The following SNX30 variants were observed in gnomAD, a reference collection of about 807,000 sequenced individuals.
SNX30 encodes the protein sorting nexin-30.
In SNX30, 24 loss-of-function variants were observed where a neutral mutation model predicts 46.4. The ratio of observed to expected loss-of-function variants is 0.52; its 90% CI spans 0.37 to 0.73. The LOEUF (loss-of-function observed/expected upper bound fraction) is 0.73. Ranked by LOEUF, SNX30 falls within the 30% of genes least tolerant of loss-of-function variation. The probability of loss-of-function intolerance (pLI) is 0.00; values close to 1 mark genes in which losing one functional copy is unlikely to be tolerated. For missense variants in SNX30, 533 were observed against 555.7 expected (o/e 0.96, Z 0.41); for synonymous variants, 189 against 211.5 (o/e 0.89, Z 0.92).
At chr9:112,762,360 A>G (rs1221135964) in intron 1 of SNX30, among the ~76,000 whole-genome samples, 1 of 152,152 alleles carries the variant, frequency 6.6e-6, no homozygotes, top group Non-Finnish European at 1.5e-5. Flanking sequence ...CAAAACCCCT[A>G]TAGCTCGTGA....
chr9:112,852,236 A>G (rs1280746623), intron 7 of SNX30, among the ~76,000 whole-genome samples: 1 of 142,720 alleles, frequency 7.0e-6, no homozygotes, highest in African/African-American at 2.6e-5. Context: ...CCTGGGCAGC[A>G]TAGGGAGACC....
chr9:112,835,652 A>C (rs923284114), intron 4 of SNX30, among the ~76,000 whole-genome samples: 3 of 152,136 alleles, frequency 2.0e-5, no homozygotes, highest in Non-Finnish European at 2.9e-5. Flanking sequence ...ACAATGGGTT[A>C]TGAAACTCAA....
chr9:112,838,004 C>T (rs1054106632), intron 5 of SNX30, among the ~76,000 whole-genome samples: 2 of 151,156 alleles, frequency 1.3e-5, no homozygotes, highest in Middle Eastern at 3.4e-3. Flanking sequence ...AATTCTCCTG[C>T]CTCAGCCTCC....
chr9:112,828,337 A>G (rs1840607896), intron 3 of SNX30, among the ~76,000 whole-genome samples: 1 of 151,870 alleles, frequency 6.6e-6, no homozygotes, highest in South Asian at 2.1e-4. Context: ...TAGTCAGCAC[A>G]GTAACATGCT....
chr9:112,784,554 A>G (rs1015571467), intron 1 of SNX30, among the ~76,000 whole-genome samples: 1 of 151,884 alleles, frequency 6.6e-6, no homozygotes, highest in Non-Finnish European at 1.5e-5. Context: ...CCCCTTGGCG[A>G]TTTTGCTGAT....
At chr9:112,795,897 C>T (rs1840101379) in intron 1 of SNX30, among the ~76,000 whole-genome samples, 3 of 152,058 alleles carry the variant, frequency 2.0e-5, no homozygotes, top group African/African-American at 7.2e-5. Flanking sequence ...CAAAATGCTT[C>T]AGTGGAGGTG....
At chr9:112,752,471 G>A (rs1356876905) in intron 1 of SNX30, among the ~76,000 whole-genome samples, 7 of 152,002 alleles carry the variant, frequency 4.6e-5, no homozygotes, top group Non-Finnish European at 1.0e-4. Context: ...ACAGCATGGT[G>A]GCATGCACCT....
At chr9:112,839,728 A>T (rs1187502635) in intron 6 of SNX30, among the ~76,000 whole-genome samples, 1 of 152,222 alleles carries the variant, frequency 6.6e-6, no homozygotes, top group African/African-American at 2.4e-5. Flanking sequence ...TGCTTCTCAA[A>T]GGAGACCTCT....
intron 3 of SNX30, among the ~76,000 whole-genome samples, chr9:112,824,430 G>A (rs1255176771): frequency 6.6e-6 from 1 of 151,902 alleles, no homozygotes; most frequent in East Asian, 1.9e-4. Flanking sequence ...GATTCAGTAC[G>A]ATGAGTCCCG....
downstream of SNX30, among the ~76,000 whole-genome samples, chr9:112,883,619 T>C (rs1334819530): frequency 2.0e-5 from 3 of 151,980 alleles, no homozygotes; most frequent in African/African-American, 7.2e-5. Flanking sequence ...CAAATGAACA[T>C]AGGGCTGTGG....
At chr9:112,785,584 A>G (rs1318478192) in intron 1 of SNX30, among the ~76,000 whole-genome samples, 1 of 152,040 alleles carries the variant, frequency 6.6e-6, no homozygotes, top group Non-Finnish European at 1.5e-5. Context: ...GGGTTTTGCC[A>G]TCTTGACCTG....
At chr9:112,850,817 G>C in intron 6 of SNX30, 42 bp from the exon 7 acceptor site, 1 of 1,506,742 alleles carries the variant, frequency 6.6e-7, no homozygotes, top group Admixed American at 1.7e-5. Flanking sequence ...AGGCCCCTTT[G>C]TGGACTCAGT....
intron 8 of SNX30, 76 bp downstream of exon 8, chr9:112,864,475 T>A: frequency 6.4e-7 from 1 of 1,565,000 alleles, no homozygotes; most frequent in Non-Finnish European, 8.8e-7. Flanking sequence ...ATCCACAAGC[T>A]GGGAATCCTG....
At chr9:112,818,232 C>T (rs1840433923) in intron 3 of SNX30, among the ~76,000 whole-genome samples, 1 of 147,916 alleles carries the variant, frequency 6.8e-6, no homozygotes, top group African/African-American at 2.5e-5. Context: ...GACAGAGTCG[C>T]ACTCTCTTGC....
At chr9:112,879,642 G>T, downstream of SNX30, 1 of 883,522 alleles carries the variant, frequency 1.1e-6, no homozygotes, top group Non-Finnish European at 1.8e-6. Context: ...GGCCAACTCT[G>T]GCTGGAACGC....
intron 2 of SNX30, 98 bp downstream of exon 2, chr9:112,805,065 A>G (rs568360171): frequency 1.3e-6 from 1 of 796,050 alleles, no homozygotes; most frequent in African/African-American, 1.7e-5. Flanking sequence ...TTATTGTACA[A>G]CTCTGTTCAC....
Position 112,873,949 on chromosome 9 carries a change from A to G in SNX30, c.*5106A>G, listed in dbSNP as rs2131526538. ...AGTGTTAACACCAGTGGCGAGGAGC[A>G]TTGCATATTCTCTGTCAGCAGCAGC... On this transcript the variant is annotated 3_prime_UTR_variant, in exon 9 of 9. Coordinates refer to ENST00000374232, the MANE Select transcript of SNX30 (RefSeq NM_001012994.2). The G allele has an allele frequency of 6.6e-6, 1 of 152,342 alleles. No individual in the cohort carries two copies. The highest frequency in any genetic ancestry group is 6.5e-5 in the Admixed American group (1 of 15,304). The allele number at this position is 152,342 out of a possible 1,614,324, so 9.4% of individuals were successfully genotyped here.
In SNX30 at chr9:112,850,864, A is replaced by G. The variant is rs201730566; in HGVS notation, c.1020A>G (p.Val340=). 93 of 1,613,380 alleles carry G rather than the reference A, an allele frequency of 5.8e-5. 1 individual carries two copies. The African/African-American group carries it at 1.1e-3, about 20-fold the overall frequency. ...YILYSDSMKS[V]LKKRDQVQAE... The stretch of plus-strand genomic sequence containing the variant: ...CTCTCCTCTGCCTCCCACAGAGTGT[A>G]TTGAAGAAGAGGGACCAAGTTCAAG... The change falls in exon 7 of 9, where the codon GTA becomes GTG. Residue 340 remains valine, a synonymous_variant. Transcript: ENST00000374232.
chr9:112,779,559 G>T (rs544136387), intron 1 of SNX30, among the ~76,000 whole-genome samples: 1 of 152,242 alleles, frequency 6.6e-6, no homozygotes, highest in East Asian at 1.9e-4. Flanking sequence ...GCTAGGCATC[G>T]TGGGAGGTGC....
Sources: allele counts gnomAD v4.1 joint callset (sites outside exome capture counted in the v4.1 genomes callset), GRCh38; gene constraint gnomAD v4.1.1; transcripts MANE v1.5; gene names NCBI Gene and HGNC (gene_info 2026-07-23, HGNC 2026-07-21).